Variants in RBM41 observed in about 807,000 individuals in gnomAD.
RBM41 encodes RNA-binding protein 41.
RBM41 carries 14 observed loss-of-function variants against 30.8 expected under a neutral mutation model. The ratio of observed to expected loss-of-function variants is 0.45; its 90% CI spans 0.30 to 0.71. The LOEUF (loss-of-function observed/expected upper bound fraction) is 0.71, where lower values mean the gene tolerates loss of function less well. Among genes scored for constraint, RBM41 ranks in the 30% least tolerant of loss-of-function variants. RBM41 has a pLI of 0.08. For missense variants in RBM41, 276 were observed against 326.3 expected (o/e 0.85, Z 1.19); for synonymous variants, 120 against 110.1 (o/e 1.09, Z -0.56).
intron 6 of RBM41, among the ~76,000 whole-genome samples, chrX:107,080,622 T>A (rs867334586): frequency 1.1e-5 from 1 of 88,201 alleles, no homozygotes; most frequent in African/African-American, 4.5e-5. Context: ...AAAACAAAAC[T>A]GCACTTGTAT....
chrX:107,100,490 CA>C (rs112960964), intron 5 of RBM41, among the ~76,000 whole-genome samples: 29,813 of 69,751 alleles, frequency 0.43, 6,153 homozygotes, highest in African/African-American at 0.76. Context: ...GACTCTGTCT[CA>C]AAAAAAAAAA....
intron 5 of RBM41, among the ~76,000 whole-genome samples, chrX:107,099,329 G>A (rs943219661): frequency 1.8e-5 from 2 of 111,335 alleles, no homozygotes; most frequent in Admixed American, 9.5e-5. Flanking sequence ...ACTGAGATGT[G>A]CTATATCTTA....
Position 107,110,766 on chromosome X carries a change from G to T in RBM41, c.595+2631C>A, listed in dbSNP as rs199555472. Among the ~76,000 whole-genome samples, 16 of 111,417 alleles carry T rather than the reference G, an allele frequency of 1.4e-4. No individual in the cohort carries two copies. In the East Asian group the frequency reaches 4.2e-3, roughly 29 times the overall value. On this transcript the variant is annotated intron_variant, in intron 5 of 7. Transcript: ENST00000685964. ...AGGTATATATAGTCAAATGATTTTT[G>T]AATAGGGTGCCAGGATCATTCAGTG...
chrX:107,059,803 A>G (rs1196808342), downstream of RBM41, among the ~76,000 whole-genome samples: 4 of 111,653 alleles, frequency 3.6e-5, no homozygotes, highest in Non-Finnish European at 7.5e-5. Flanking sequence ...CTCCCATCCA[A>G]AGCCTACAAG....
chrX:107,094,981 G>T (rs765486666), intron 5 of RBM41, among the ~76,000 whole-genome samples: 22 of 110,172 alleles, frequency 2.0e-4, no homozygotes, highest in Non-Finnish European at 3.6e-4. Flanking sequence ...CTTTTCATAG[G>T]AAAGTAATAC....
intron 5 of RBM41, among the ~76,000 whole-genome samples, chrX:107,099,422 A>G (rs183794974): frequency 8.9e-6 from 1 of 111,817 alleles, no homozygotes; most frequent in African/African-American, 3.3e-5. Flanking sequence ...TATTGTTTTG[A>G]TAGATGCCTA....
At chrX:107,060,592 G>A (rs1935624520), downstream of RBM41, among the ~76,000 whole-genome samples, 1 of 111,287 alleles carries the variant, frequency 9.0e-6, no homozygotes, top group Non-Finnish European at 1.9e-5. Context: ...AGAACTGTGA[G>A]AAATAAGTAT....
intron 5 of RBM41, among the ~76,000 whole-genome samples, chrX:107,096,164 T>A (rs767879464): frequency 6.2e-5 from 7 of 112,569 alleles, no homozygotes; most frequent in African/African-American, 2.3e-4. Context: ...TATTAAAAGA[T>A]TAATGATTAA....
intron 6 of RBM41, chrX:107,070,237 T>C: frequency 3.0e-6 from 1 of 331,497 alleles, no homozygotes; most frequent in Non-Finnish European, 5.9e-6. Flanking sequence ...AACTTGAGGC[T>C]CATTGTCAGA....
intron 5 of RBM41, among the ~76,000 whole-genome samples, chrX:107,100,399 C>T (rs1278769173): frequency 1.8e-5 from 2 of 108,822 alleles, no homozygotes; most frequent in South Asian, 4.0e-4. Flanking sequence ...GGCTGAGGCA[C>T]GGGAATTGCT....
intron 5 of RBM41, among the ~76,000 whole-genome samples, chrX:107,110,041 A>T (rs770285493): frequency 9.5e-4 from 106 of 111,125 alleles, no homozygotes; most frequent in Non-Finnish European, 1.8e-3. Flanking sequence ...GTATTAACAC[A>T]CAAATTCGGC....
At chrX:107,092,470 T>C (rs1441595357) in intron 5 of RBM41, among the ~76,000 whole-genome samples, 1 of 111,286 alleles carries the variant, frequency 9.0e-6, no homozygotes, top group Non-Finnish European at 1.9e-5. Context: ...GGGCCAGGCG[T>C]GGTGGCTCAT....
chrX:107,115,415 T>C lies in RBM41; in HGVS notation c.460A>G (p.Ile154Val). The change falls in exon 4 of 8, where the codon ATA becomes GTA. Residue 154 changes from isoleucine to valine, a missense_variant. By Grantham distance (29) the Ile-to-Val change is conservative. Transcript: ENST00000685964. ...GCTCCCTGAAATAAAGACTTTTCTA[T>C]TTCCATTTCTCGCCGGGTCAGCTGT... Reference protein sequence around the residue: ...SKQLTRREMEIEKSLFQGADR... With the variant: ...SKQLTRREMEVEKSLFQGADR... 8.3e-7 allele frequency: 1 copy of C among 1,211,991 alleles called. No individual in the cohort carries two copies. Among genetic ancestry groups the C allele is most frequent in the Non-Finnish European group, 1.1e-6 (1 of 895,563 alleles).
chrX:107,066,230 T>C lies in RBM41; in HGVS notation c.*1297A>G, dbSNP rs1472877313. The C allele has an allele frequency of 4.5e-5, 5 of 111,983 alleles. No homozygotes were observed. The highest frequency in any genetic ancestry group is 1.6e-4 in the African/African-American group (5 of 30,758). The allele number at this position is 111,983 out of a possible 1,213,427, so 9.2% of individuals were successfully genotyped here. On this transcript the variant is annotated 3_prime_UTR_variant, in exon 8 of 8. Coordinates refer to ENST00000685964, the MANE Select transcript of RBM41 (RefSeq NM_001324242.2). ...TAAGTGATGGCTCATTTTTCTCGTA[T>C]TGCTGTTAAGATTTTCTTTTCGTTT...
chrX:107,080,519 A>T (rs1301815717), intron 6 of RBM41, among the ~76,000 whole-genome samples: 1 of 111,966 alleles, frequency 8.9e-6, no homozygotes, highest in African/African-American at 3.2e-5. Context: ...CAGAGGTTGC[A>T]GTGAGCTGAG....
At position 107,089,356 on chromosome X, in the gene RBM41, CT is replaced by C. The variant is rs1922318878; in HGVS notation, c.596-518del. Among the ~76,000 whole-genome samples the C allele has an allele frequency of 3.6e-5, 4 of 111,885 alleles. No homozygotes were observed. In the South Asian group the frequency reaches 1.5e-3, roughly 43 times the overall value. On this transcript the variant is annotated intron_variant, in intron 5 of 7. Coordinates refer to ENST00000685964, the MANE Select transcript of RBM41 (RefSeq NM_001324242.2). ...ATTGATTAAATAAACTACATTTGTT[CT>C]ATGAACAAATGAATTTGATTAATCA... is the stretch of plus-strand genomic sequence containing the variant.
chrX:107,116,846 C>A, intron 1 of RBM41, 80 bp from the exon 2 acceptor site: 1 of 912,513 alleles, frequency 1.1e-6, no homozygotes, highest in Non-Finnish European at 1.5e-6. Flanking sequence ...ATATTATCTA[C>A]CATTACTGAC....
intron 6 of RBM41, among the ~76,000 whole-genome samples, chrX:107,075,154 T>C (rs907317588): frequency 9.0e-6 from 1 of 111,726 alleles, no homozygotes; most frequent in African/African-American, 3.2e-5. Context: ...GAATATAACA[T>C]GAGAAAAAGA....
At chrX:107,052,939 A>C in the RBM41 span, among the ~76,000 whole-genome samples, 1 of 112,151 alleles carries the variant, frequency 8.9e-6, no homozygotes, top group Non-Finnish European at 1.9e-5. Flanking sequence ...TTCTCCTAAA[A>C]ATAAACAGGT....
Sources: gnomAD v4.1 joint callset for allele counts (sites outside exome capture counted in the v4.1 genomes callset) on GRCh38, gnomAD v4.1.1 for gene constraint, MANE v1.5 for transcripts, NCBI Gene and HGNC (gene_info 2026-07-23, HGNC 2026-07-21) for gene names.